BICC1: variants seen among roughly 807,000 people sequenced by gnomAD.
BICC1 encodes the protein BicC family RNA binding protein 1, also known as protein bicaudal C homolog 1.
BICC1 carries 43 observed loss-of-function variants against 111.0 expected under a neutral mutation model. That is an observed-to-expected ratio of 0.39 (90% CI 0.30 to 0.50). BICC1 has a LOEUF of 0.50. BICC1 is among the 20% of genes least tolerant of loss of function. The pLI is 0.88. For synonymous variants in BICC1, 467 were observed against 434.4 expected (o/e 1.07, Z -0.93); for missense variants, 1,091 against 1,203.2 (o/e 0.91, Z 1.38).
chr10:58,685,465 G>T (rs1028992710), intron 2 of BICC1, among the ~76,000 whole-genome samples: 6 of 152,084 alleles, frequency 3.9e-5, no homozygotes, highest in African/African-American at 1.4e-4. Flanking sequence ...TTGACAGTAG[G>T]GTGTTAAAAT....
At chr10:58,619,145 C>A (rs1845716130) in intron 1 of BICC1, among the ~76,000 whole-genome samples, 2 of 152,210 alleles carry the variant, frequency 1.3e-5, no homozygotes, top group African/African-American at 4.8e-5. Flanking sequence ...TTAATCACAT[C>A]TACAAAATCT....
chr10:58,664,008 A>G (rs1315809137), intron 2 of BICC1, among the ~76,000 whole-genome samples: 2 of 152,162 alleles, frequency 1.3e-5, no homozygotes, highest in African/African-American at 2.4e-5. Flanking sequence ...GGCTTTTATG[A>G]ATGAAGGTGC....
At chr10:58,539,260 A>G (rs1455219264) in intron 1 of BICC1, among the ~76,000 whole-genome samples, 1 of 151,852 alleles carries the variant, frequency 6.6e-6, no homozygotes, top group African/African-American at 2.4e-5. Context: ...ACTGGAGGCT[A>G]TTATTCTAAG....
At chr10:58,754,994 C>T (rs891265052) in intron 3 of BICC1, among the ~76,000 whole-genome samples, 1 of 152,122 alleles carries the variant, frequency 6.6e-6, no homozygotes, top group Non-Finnish European at 1.5e-5. Context: ...GTATGTATTG[C>T]AGTCCTTGTA....
chr10:58,792,144 A>T (rs940883283), intron 8 of BICC1, among the ~76,000 whole-genome samples: 2 of 152,092 alleles, frequency 1.3e-5, no homozygotes, highest in African/African-American at 4.8e-5. Flanking sequence ...CCTGATATCC[A>T]TTTACAAATT....
chr10:58,670,400 T>C (rs1839148429), intron 2 of BICC1, among the ~76,000 whole-genome samples: 1 of 152,142 alleles, frequency 6.6e-6, no homozygotes, highest in Non-Finnish European at 1.5e-5. Flanking sequence ...ATATAGACCA[T>C]TATTATCACA....
At chr10:58,625,188 A>G (rs1472647376) in intron 2 of BICC1, among the ~76,000 whole-genome samples, 1 of 152,200 alleles carries the variant, frequency 6.6e-6, no homozygotes, top group East Asian at 1.9e-4. Flanking sequence ...CATGGAAACA[A>G]TCTTCCAGTT....
chr10:58,627,922 C>T (rs1837679065), intron 2 of BICC1, among the ~76,000 whole-genome samples: 1 of 152,014 alleles, frequency 6.6e-6, no homozygotes, highest in Non-Finnish European at 1.5e-5. Context: ...GTATATCAGA[C>T]ATTGGATTAT....
chr10:58,796,970 T>C (rs921816182), intron 10 of BICC1, among the ~76,000 whole-genome samples: 5 of 152,136 alleles, frequency 3.3e-5, no homozygotes, highest in African/African-American at 1.2e-4. Flanking sequence ...AACCCGCATC[T>C]CCAGTGGTTA....
At chr10:58,741,589 G>A (rs1018644390) in intron 3 of BICC1, among the ~76,000 whole-genome samples, 5 of 152,154 alleles carry the variant, frequency 3.3e-5, no homozygotes, top group African/African-American at 7.2e-5. Flanking sequence ...TTTGTTAGTT[G>A]AAGCTTACTT....
chr10:58,721,327 A>C (rs989580103), intron 3 of BICC1, among the ~76,000 whole-genome samples: 4 of 152,124 alleles, frequency 2.6e-5, no homozygotes, highest in Admixed American at 2.0e-4. Flanking sequence ...AGACTAACCA[A>C]CCCAAGTTCT....
Position 58,725,634 on chromosome 10 carries a change from A to G in BICC1, c.307+23491A>G, listed in dbSNP as rs545991179. On this transcript the variant is annotated intron_variant, in intron 3 of 20. Coordinates refer to ENST00000373886, the MANE Select transcript of BICC1 (RefSeq NM_001080512.3). Reference sequence around the variant, plus strand: ...TTGTCTGTGGGTTTGCTTATTTTGCAAACAAATCCACATGGTTTACTTGCT... The same window carrying G: ...TTGTCTGTGGGTTTGCTTATTTTGCGAACAAATCCACATGGTTTACTTGCT... 1.2e-4 allele frequency among the ~76,000 whole-genome samples: 19 copies of G among 152,324 alleles called. 1 individual carries two copies. The East Asian group carries it at 3.3e-3, about 26-fold the overall frequency.
intron 3 of BICC1, among the ~76,000 whole-genome samples, chr10:58,725,090 A>G (rs1038859109): frequency 2.0e-5 from 3 of 152,174 alleles, no homozygotes; most frequent in Admixed American, 1.3e-4. Context: ...ACTTTTATCT[A>G]GACATTTCTG....
chr10:58,562,843 C>A (rs1438805689), intron 1 of BICC1, among the ~76,000 whole-genome samples: 1 of 151,874 alleles, frequency 6.6e-6, no homozygotes, highest in Non-Finnish European at 1.5e-5. Flanking sequence ...TCTTCTTGTG[C>A]TTTCTTTGGC....
In BICC1 at chr10:58,770,587, TA is replaced by T. The variant is rs889175452; in HGVS notation, c.308-14405del. 4.0e-3 allele frequency among the ~76,000 whole-genome samples: 605 copies of T among 150,838 alleles called. 11 individuals carry two copies. Among genetic ancestry groups the T allele is most frequent in the Admixed American group, 0.025 (372 of 15,096 alleles). On this transcript the variant is annotated intron_variant, in intron 3 of 20. Coordinates refer to ENST00000373886, the MANE Select transcript of BICC1 (RefSeq NM_001080512.3). Reference sequence around the variant, plus strand: ...CCAACAACCCAATAGGAATTTACCATAAAAAAAAACACAAACACTGATATAA... The same window carrying T: ...CCAACAACCCAATAGGAATTTACCATAAAAAAAACACAAACACTGATATAA...
At position 58,829,094 on chromosome 10, in the gene BICC1, G is replaced by T; in HGVS notation, c.*203G>T. The T allele has an allele frequency of 2.1e-6, 1 of 467,354 alleles. No individual in the cohort carries two copies. The highest frequency in any genetic ancestry group is 3.6e-6 in the Non-Finnish European group (1 of 280,194). The allele number at this position is 467,354 out of a possible 1,614,324, so 29.0% of individuals were successfully genotyped here. A position where few individuals can be genotyped will look rare whatever the true frequency, so the allele number is the denominator to read the frequency against. On this transcript the variant is annotated 3_prime_UTR_variant, in exon 21 of 21. Coordinates refer to ENST00000373886, the MANE Select transcript of BICC1 (RefSeq NM_001080512.3). ...GATGTCATACAGAACACCAAATATG[G>T]ATTACTTTTTTAAAATGGCAGTTGG...
intron 2 of BICC1, among the ~76,000 whole-genome samples, chr10:58,688,366 CGTTTTTACAGAGTGCTGATTGGTGT>C (rs1394950224): frequency 6.6e-6 from 1 of 152,062 alleles, no homozygotes; most frequent in African/African-American, 2.4e-5. Flanking sequence ...CTGATTGGTG[CGTTTTTACAGAGTGCTGATTGGTGT>C]GTTTACAAAC....
chr10:58,584,960 C>A (rs1844389612), intron 1 of BICC1, among the ~76,000 whole-genome samples: 1 of 152,056 alleles, frequency 6.6e-6, no homozygotes, highest in South Asian at 2.1e-4. Flanking sequence ...AAAAATTTAG[C>A]ATAAATAAAA....
chr10:58,789,938 G>T lies in BICC1; in HGVS notation c.1047+5G>T. 6.2e-7 allele frequency: 1 copy of T among 1,613,698 alleles called. No homozygotes were observed. On this transcript the variant is annotated splice_donor_5th_base_variant and intron_variant, in intron 8 of 20. Coordinates refer to ENST00000373886, the MANE Select transcript of BICC1 (RefSeq NM_001080512.3). ...CTTGCAAGGCAATATCTCATGGTAAGGTTACTGAAATAAGTGTTACAATTT... is the reference window on the plus strand; with the variant it reads ...CTTGCAAGGCAATATCTCATGGTAATGTTACTGAAATAAGTGTTACAATTT...
Sources: allele counts gnomAD v4.1 joint callset (sites outside exome capture counted in the v4.1 genomes callset), GRCh38; gene constraint gnomAD v4.1.1; transcripts MANE v1.5; gene names NCBI Gene and HGNC (gene_info 2026-07-23, HGNC 2026-07-21).